NHSL1: variants seen among roughly 807,000 people sequenced by gnomAD.
NHSL1 encodes NHS like 1.
NHSL1 carries 48 observed loss-of-function variants against 95.0 expected under a neutral mutation model. The observed-to-expected ratio is 0.51, with a 90% CI of 0.40 to 0.64. The LOEUF (loss-of-function observed/expected upper bound fraction) is 0.64. Among genes scored for constraint, NHSL1 ranks in the 30% least tolerant of loss-of-function variants. The pLI is 0.00. For missense variants in NHSL1, 1,971 were observed against 2,077.7 expected (o/e 0.95, Z 1.00); for synonymous variants, 783 against 833.9 (o/e 0.94, Z 1.05).
intron 1 of NHSL1, among the ~76,000 whole-genome samples, chr6:138,610,934 C>T (rs1015634119): frequency 1.3e-5 from 2 of 151,930 alleles, no homozygotes; most frequent in African/African-American, 2.4e-5. Context: ...AAAAATTAGC[C>T]GGGTGTGTTG....
upstream of NHSL1, among the ~76,000 whole-genome samples, chr6:138,576,367 T>C (rs1423993811): frequency 6.6e-6 from 1 of 152,212 alleles, no homozygotes; most frequent in Non-Finnish European, 1.5e-5. Context: ...AATGAAAACA[T>C]CTTAACGTAG....
chr6:138,648,885 T>C (rs1379091059), intron 1 of NHSL1, among the ~76,000 whole-genome samples: 2 of 152,076 alleles, frequency 1.3e-5, no homozygotes, highest in African/African-American at 2.4e-5. Flanking sequence ...GAGTAGTAGA[T>C]TGGGGGTGAG....
At chr6:138,462,580 C>T (rs572352405) in intron 3 of NHSL1, among the ~76,000 whole-genome samples, 1 of 152,286 alleles carries the variant, frequency 6.6e-6, no homozygotes, top group East Asian at 1.9e-4. Context: ...ATCCAAACCA[C>T]AGCAGGCAGG....
intron 1 of NHSL1, among the ~76,000 whole-genome samples, chr6:138,557,649 C>T (rs974233003): frequency 6.6e-6 from 1 of 152,222 alleles, no homozygotes; most frequent in East Asian, 1.9e-4. Context: ...GACACCAGGG[C>T]ATTAAAACGA....
chr6:138,600,752 C>T (rs1366996007), intron 1 of NHSL1, among the ~76,000 whole-genome samples: 7 of 152,098 alleles, frequency 4.6e-5, no homozygotes, highest in African/African-American at 1.7e-4. Context: ...TATAGTCTGG[C>T]AATTATAGGG....
intron 3 of NHSL1, among the ~76,000 whole-genome samples, chr6:138,463,354 A>G (rs1778118815): frequency 6.6e-6 from 1 of 152,086 alleles, no homozygotes. Context: ...ATGGCTAATT[A>G]GGTCCTATGT....
intron 1 of NHSL1, among the ~76,000 whole-genome samples, chr6:138,665,923 G>C (rs1317529469): frequency 2.6e-5 from 4 of 152,150 alleles, no homozygotes; most frequent in African/African-American, 9.7e-5. Flanking sequence ...CCACTATTCA[G>C]TCATACACTG....
chr6:138,539,249 T>G (rs1260990527), intron 1 of NHSL1, among the ~76,000 whole-genome samples: 1 of 152,186 alleles, frequency 6.6e-6, no homozygotes, highest in Non-Finnish European at 1.5e-5. Context: ...CCACCCCGCA[T>G]CCCCAATACC....
chr6:138,661,326 G>A (rs1198894173), intron 1 of NHSL1, among the ~76,000 whole-genome samples: 1 of 151,922 alleles, frequency 6.6e-6, no homozygotes, highest in African/African-American at 2.4e-5. Flanking sequence ...ACTCTCTGTA[G>A]AAGTTCAACT....
chr6:138,483,449 C>T (rs2128265093), intron 2 of NHSL1, among the ~76,000 whole-genome samples: 1 of 152,334 alleles, frequency 6.6e-6, no homozygotes, highest in South Asian at 2.1e-4. Flanking sequence ...CATTTTGTTT[C>T]AGGAAAAGCT....
chr6:138,509,256 T>C (rs1466970545), intron 1 of NHSL1, among the ~76,000 whole-genome samples: 2 of 152,160 alleles, frequency 1.3e-5, no homozygotes, highest in African/African-American at 4.8e-5. Context: ...TAGAAAAAAA[T>C]TGATGCAACC....
intron 1 of NHSL1, among the ~76,000 whole-genome samples, chr6:138,558,264 A>C (rs896097431): frequency 1.1e-4 from 16 of 151,604 alleles, no homozygotes; most frequent in African/African-American, 3.6e-4. Context: ...CTGGGACTAC[A>C]GGCACCCACC....
upstream of NHSL1, among the ~76,000 whole-genome samples, chr6:138,576,126 GAACTACAGGCGCGC>G (rs1562380555): frequency 6.6e-6 from 1 of 152,088 alleles, no homozygotes; most frequent in African/African-American, 2.4e-5. Context: ...CAAGTAGCTG[GAACTACAGGCGCGC>G]ATCTCCACGC....
intron 3 of NHSL1, 85 bp from the exon 4 acceptor site, chr6:138,447,278 T>C: frequency 8.5e-7 from 1 of 1,182,770 alleles, no homozygotes; most frequent in Non-Finnish European, 1.2e-6. Context: ...TTTAAAAAAA[T>C]TGGACTGGTT....
At chr6:138,425,587 TTAA>T (rs1209121129) in intron 7 of NHSL1, among the ~76,000 whole-genome samples, 1 of 152,162 alleles carries the variant, frequency 6.6e-6, no homozygotes, top group East Asian at 1.9e-4. Context: ...ACCAAAAGTT[TTAA>T]TAATGGCCAG....
In NHSL1 at chr6:138,658,345, TG is replaced by T. The variant is rs147645469; in HGVS notation, c.96+34130del. ...TGTATACCCTTTGACCAACATCTCC[TG>T]TTTCTCCTACCTCCCACTCCAGCTC... On this transcript the variant is annotated intron_variant, in intron 1 of 3. Transcript: ENST00000491526. Among the ~76,000 whole-genome samples the T allele has an allele frequency of 8.6e-3, 1,308 of 152,324 alleles. 17 individuals carry two copies. Among genetic ancestry groups the T allele is most frequent in the African/African-American group, 0.029 (1,197 of 41,572 alleles).
At chr6:138,605,463 CAA>C (rs1185220879) in intron 1 of NHSL1, among the ~76,000 whole-genome samples, 1 of 151,770 alleles carries the variant, frequency 6.6e-6, no homozygotes, top group Non-Finnish European at 1.5e-5. Context: ...TCACCCCCCA[CAA>C]AAAAAAGTTT....
At chr6:138,483,057 C>T (rs1445911127) in intron 2 of NHSL1, among the ~76,000 whole-genome samples, 22 of 152,070 alleles carry the variant, frequency 1.4e-4, no homozygotes, top group Admixed American at 2.6e-4. Context: ...GTCCTGTGAG[C>T]CACACCGTGA....
At chr6:138,571,825 G>T (rs1204043654) in exon 1 of NHSL1, 1 of 1,552,098 alleles carries the variant, frequency 6.4e-7, no homozygotes, top group Non-Finnish European at 8.7e-7. Flanking sequence ...TGGACAAGGA[G>T]GAGAAATTTA....
Sources: allele counts gnomAD v4.1 joint callset (sites outside exome capture counted in the v4.1 genomes callset), GRCh38; gene constraint gnomAD v4.1.1; transcripts MANE v1.5; gene names NCBI Gene and HGNC (gene_info 2026-07-23, HGNC 2026-07-21).